Variants in NTRK1 observed in about 807,000 individuals in gnomAD.
NTRK1 encodes the protein neurotrophic receptor tyrosine kinase 1, also known as high affinity nerve growth factor receptor.
Under a neutral mutation model 86.8 loss-of-function variants are expected in NTRK1, and 62 were observed. That is an observed-to-expected ratio of 0.71 (90% CI 0.58 to 0.88). The LOEUF is 0.88. Ranked by LOEUF, NTRK1 falls within the 40% of genes least tolerant of loss-of-function variation. The pLI, the probability that NTRK1 is intolerant of heterozygous loss-of-function variation, is 0.00. For synonymous variants in NTRK1, 469 were observed against 456.6 expected, an observed-to-expected ratio of 1.03 and a Z score of -0.35; for missense variants, 967 against 1,078.4, an observed-to-expected ratio of 0.90 and a Z score of 1.45.
rs758359742 is a variant in NTRK1 at position 156,851,359 on chromosome 1, G to T, written c.50+9166G>T. On this transcript the variant is annotated intron_variant, in intron 2 of 16. Transcript: ENST00000392302. The stretch of plus-strand genomic sequence containing the variant: ...AAAGCCCAGGGACACGAGGGCAAAG[G>T]AGTGCTTGATTTTGAGGAAGCCAGT... The T allele has an allele frequency of 3.1e-6, 5 of 1,614,008 alleles. No homozygotes were observed. In the East Asian group the frequency reaches 1.1e-4, roughly 36 times the overall value.
At chr1:156,866,481 G>A (rs1158248992) in intron 3 of NTRK1, among the ~76,000 whole-genome samples, 2 of 152,164 alleles carry the variant, frequency 1.3e-5, no homozygotes, top group African/African-American at 4.8e-5. Flanking sequence ...TTGTGGTCAG[G>A]TAGGGGCAAG....
intron 1 of NTRK1, chr1:156,841,100 C>T: frequency 6.4e-7 from 1 of 1,557,986 alleles, no homozygotes; most frequent in Non-Finnish European, 8.7e-7. Context: ...CTCATCAGCT[C>T]CTGCCTGGTG....
chr1:156,879,703 T>G (rs577920338), intron 15 of NTRK1, among the ~76,000 whole-genome samples: 4 of 152,222 alleles, frequency 2.6e-5, no homozygotes, highest in Non-Finnish European at 5.9e-5. Flanking sequence ...TCTGACTCCC[T>G]GGTTCAAGCG....
chr1:156,821,589 A>G (rs1208973474), intron 1 of NTRK1, among the ~76,000 whole-genome samples: 1 of 152,062 alleles, frequency 6.6e-6, no homozygotes, highest in Non-Finnish European at 1.5e-5. Context: ...TGTTTCTAGA[A>G]GAGGGACCAA....
intron 2 of NTRK1, chr1:156,843,523 A>G (rs1406370743): frequency 1.3e-6 from 2 of 1,575,124 alleles, no homozygotes; most frequent in South Asian, 1.1e-5. Context: ...GGTTCTCAGG[A>G]AGGAATGAGC....
upstream of NTRK1, among the ~76,000 whole-genome samples, chr1:156,860,474 C>A (rs931161190): frequency 6.6e-6 from 1 of 152,256 alleles, no homozygotes; most frequent in African/African-American, 2.4e-5. Flanking sequence ...CCTAGGCACG[C>A]GCGCCGCGAG....
chr1:156,818,626 C>T (rs1489235483), intron 1 of NTRK1, among the ~76,000 whole-genome samples: 2 of 152,124 alleles, frequency 1.3e-5, no homozygotes, highest in Non-Finnish European at 2.9e-5. Context: ...CCTCCAGCTC[C>T]AACCAAGATA....
intron 1 of NTRK1, among the ~76,000 whole-genome samples, chr1:156,818,131 A>T (rs578090853): frequency 2.0e-5 from 3 of 152,258 alleles, no homozygotes; most frequent in African/African-American, 7.2e-5. Context: ...GAGTGCTGGG[A>T]CTAGAAGGTA....
At chr1:156,878,067 G>A (rs758664748) in intron 14 of NTRK1, among the ~76,000 whole-genome samples, 11 of 152,198 alleles carry the variant, frequency 7.2e-5, no homozygotes, top group Non-Finnish European at 1.6e-4. Flanking sequence ...GGGAGACGAG[G>A]CTCTAACTGC....
Position 156,880,041 on chromosome 1 carries a change from G to A in NTRK1, c.2089G>A (p.Glu697Lys), listed in dbSNP as rs758876909. The stretch of plus-strand genomic sequence containing the variant: ...GCTGCCCATTCGCTGGATGCCGCCC[G>A]AGAGCATCCTGTACCGTAAGTTCAC... ...TMLPIRWMPPESILYRKFTTE... is the reference protein window; with the variant it reads ...TMLPIRWMPPKSILYRKFTTE... Residue 697 changes from glutamate to lysine, a missense_variant, in exon 16 of 17, where the codon GAG (glutamate) becomes AAG (lysine). This residue lies in a region of NTRK1 where 637 missense variants were observed against 776.5 expected (regional missense o/e 0.82). Transcript: ENST00000524377. The A allele has an allele frequency of 1.9e-6, 3 of 1,613,296 alleles. No homozygotes were observed. The highest frequency in any genetic ancestry group is 1.3e-5 in the African/African-American group (1 of 74,848).
rs143410959 is a variant in NTRK1 at position 156,864,782 on chromosome 1, T to A, written c.342T>A (p.Thr114=). 13 of 1,613,756 alleles carry A rather than the reference T, an allele frequency of 8.1e-6. No homozygotes were observed. Among genetic ancestry groups the A allele is most frequent in the Non-Finnish European group, 1.0e-5 (12 of 1,179,944 alleles). The change falls in exon 3 of 17, where the codon ACT becomes ACA. Residue 114 remains threonine, a synonymous_variant. Transcript: ENST00000524377. ...RFVAPDAFHF[T]PRLSRLNLSF... ...TGGCGCCAGATGCCTTCCATTTCAC[T>A]CCTCGGCTCAGTCGCCTGTGAGTGT...
chr1:156,833,868 C>A (rs1445813721), intron 1 of NTRK1, among the ~76,000 whole-genome samples: 1 of 152,192 alleles, frequency 6.6e-6, no homozygotes, highest in Non-Finnish European at 1.5e-5. Context: ...GCAGCACCAC[C>A]TCCTCCTCTG....
chr1:156,842,567 A>C, intron 2 of NTRK1: 1 of 1,320,176 alleles, frequency 7.6e-7, no homozygotes, highest in Non-Finnish European at 1.1e-6. Flanking sequence ...TTTGGCCAAA[A>C]TTCTGATCTG....
intron 1 of NTRK1, among the ~76,000 whole-genome samples, chr1:156,834,836 C>T (rs762625119): frequency 1.3e-5 from 2 of 151,384 alleles, no homozygotes; most frequent in African/African-American, 2.4e-5. Context: ...TATTTTCAGG[C>T]TGGGAAAGAA....
chr1:156,853,605 T>C, intron 2 of NTRK1: 1 of 842,612 alleles, frequency 1.2e-6, no homozygotes, highest in East Asian at 2.6e-5. Flanking sequence ...TTCTGAGCCT[T>C]AGTTTCCTTA....
chr1:156,864,470 C>T, intron 2 of NTRK1, 42 bp downstream of exon 2: 4 of 1,593,880 alleles, frequency 2.5e-6, no homozygotes, highest in Non-Finnish European at 3.4e-6. Context: ...TCAGCATGGG[C>T]CTGGGGGAGA....
intron 6 of NTRK1, 86 bp downstream of exon 6, chr1:156,868,733 G>T: frequency 5.3e-6 from 8 of 1,520,392 alleles, no homozygotes; most frequent in Non-Finnish European, 1.8e-6. Context: ...CACTGTGGAG[G>T]AAAGAGACAA....
At position 156,849,243 on chromosome 1, in the gene NTRK1, C is replaced by T. The variant is rs759001767; in HGVS notation, c.50+7050C>T. On this transcript the variant is annotated intron_variant, in intron 2 of 16. Coordinates refer to the NTRK1 transcript ENST00000392302. The stretch of plus-strand genomic sequence containing the variant: ...TCCACCGGCACTGGGGTTGGGGTCT[C>T]ACAGGCGGCGCGGTCTCCGTTGGTG... 6.2e-6 allele frequency: 10 copies of T among 1,613,356 alleles called. No individual in the cohort carries two copies. The East Asian group carries it at 2.0e-4, about 32-fold the overall frequency.
At chr1:156,875,351 C>T (rs1647833841) in intron 11 of NTRK1, among the ~76,000 whole-genome samples, 169 bp from the exon 12 acceptor site, 1 of 152,028 alleles carries the variant, frequency 6.6e-6, no homozygotes, top group African/African-American at 2.4e-5. Flanking sequence ...GGAGCCAGCA[C>T]AGGGAGAGGC....
Sources: allele counts gnomAD v4.1 joint callset (sites outside exome capture counted in the v4.1 genomes callset), GRCh38; gene constraint gnomAD v4.1.1; regional missense constraint gnomAD v4.1.1; transcripts MANE v1.5; gene names NCBI Gene and HGNC (gene_info 2026-07-23, HGNC 2026-07-21).